The following BCOR variants were observed in gnomAD, a reference collection of about 807,000 sequenced individuals.
The protein encoded by BCOR is BCL-6 corepressor.
A neutral mutation model predicts 86.7 loss-of-function variants in BCOR; 10 were observed. That is an observed-to-expected ratio of 0.12 (90% CI 0.07 to 0.20). The LOEUF (loss-of-function observed/expected upper bound fraction) is 0.20, where lower values mean the gene tolerates loss of function less well. Ranked by LOEUF, BCOR falls within the 10% of genes least tolerant of loss-of-function variation. The probability of loss-of-function intolerance (pLI) is 1.00; values close to 1 mark genes in which losing one functional copy is unlikely to be tolerated. For synonymous variants in BCOR, 611 were observed against 609.0 expected (o/e 1.00, Z -0.05); for missense variants, 1,259 against 1,452.1 (o/e 0.87, Z 2.16).
rs769399836 is a variant in BCOR, at chrX:40,174,508, C to T, written c.-41+2499G>A. Among the ~76,000 whole-genome samples, 5 of 112,704 alleles carry T rather than the reference C, an allele frequency of 4.4e-5. No homozygotes were observed. In the East Asian group the frequency reaches 1.4e-3, roughly 31 times the overall value. On this transcript the variant is annotated intron_variant, in intron 1 of 14. Coordinates refer to the BCOR transcript ENST00000342274. ...GGCGGCAGCACACGTCTGGGCAGCC[C>T]CCTCCCCGTACCCAGCAGCGTGTAC...
rs1285291048 is a variant in BCOR, at chrX:40,074,365, C to T, written c.981G>A (p.Gly327=). The T allele has an allele frequency of 3.3e-6, 4 of 1,210,941 alleles. No individual in the cohort carries two copies. In the Admixed American group the frequency reaches 8.7e-5, roughly 26 times the overall value. Residue 327 remains glycine (G), a synonymous_variant, in exon 4 of 15, where the codon GGG becomes GGA. Coordinates refer to ENST00000378444, the MANE Select transcript of BCOR (RefSeq NM_001123385.2). ...SAKAVTSGLP[G]DTALLLPPSP... ...AGGGGGGCAACAGGAGAGCTGTGTC[C>T]CCCGGCAGGCCACTGGTGACCGCCT...
intron 1 of BCOR, among the ~76,000 whole-genome samples, chrX:40,096,403 G>T (rs1238807078): frequency 1.8e-5 from 2 of 112,672 alleles, no homozygotes; most frequent in Non-Finnish European, 3.8e-5. Context: ...GGGGAAAGCG[G>T]GAGGGGGATC....
chrX:40,165,720 A>T (rs1038862462), intron 1 of BCOR, among the ~76,000 whole-genome samples: 11 of 112,193 alleles, frequency 9.8e-5, no homozygotes, highest in African/African-American at 3.6e-4. Context: ...AATTCAAACA[A>T]TATCAGTCCA....
chrX:40,062,067 C>A, intron 10 of BCOR, 72 bp downstream of exon 10: 1 of 1,141,206 alleles, frequency 8.8e-7, no homozygotes. Flanking sequence ...CCATGTCCCT[C>A]CCCTCGCCCA....
intron 1 of BCOR, among the ~76,000 whole-genome samples, chrX:40,113,823 TTTC>T (rs776199590): frequency 9.2e-5 from 10 of 109,104 alleles, no homozygotes; most frequent in African/African-American, 2.4e-4. Flanking sequence ...TCTTTCTTTC[TTTC>T]TTTTTTTTTT....
chrX:40,174,112 G>GCCACC (rs1486701448), intron 1 of BCOR, among the ~76,000 whole-genome samples: 1 of 113,008 alleles, frequency 8.8e-6, no homozygotes. Flanking sequence ...CATTAGGTGA[G>GCCACC]GCTGCCTTTT....
At chrX:40,089,313 G>A (rs1241125245) in intron 1 of BCOR, among the ~76,000 whole-genome samples, 1 of 112,109 alleles carries the variant, frequency 8.9e-6, no homozygotes, top group Non-Finnish European at 1.9e-5. Flanking sequence ...AGGTCACACA[G>A]CTAGTAAAAA....
chrX:40,052,480 C>G, intron 14 of BCOR, 80 bp from the exon 15 acceptor site: 1 of 944,844 alleles, frequency 1.1e-6, no homozygotes. Flanking sequence ...ACTACCAACC[C>G]AAGTGGACCA....
At chrX:40,136,680 G>A (rs771418085) in intron 1 of BCOR, among the ~76,000 whole-genome samples, 176 of 111,733 alleles carry the variant, frequency 1.6e-3, no homozygotes, top group African/African-American at 5.4e-3. Flanking sequence ...GCGTATGGTG[G>A]GTGTTAAATA....
chrX:40,124,447 A>AT (rs1937520114), intron 1 of BCOR, among the ~76,000 whole-genome samples: 1 of 106,922 alleles, frequency 9.4e-6, no homozygotes, highest in Non-Finnish European at 1.9e-5. Context: ...TAATTTTCTT[A>AT]TTTTTTGTAG....
At chrX:40,144,846 T>TC (rs1352527515) in intron 1 of BCOR, among the ~76,000 whole-genome samples, 2 of 110,407 alleles carry the variant, frequency 1.8e-5, no homozygotes, top group Middle Eastern at 4.3e-3. Flanking sequence ...ACTGCCAAGT[T>TC]CTCAGGTTGA....
At chrX:40,170,205 A>G (rs745558251) in intron 1 of BCOR, among the ~76,000 whole-genome samples, 1 of 112,023 alleles carries the variant, frequency 8.9e-6, no homozygotes, top group Admixed American at 9.4e-5. Flanking sequence ...CCTTGCACCT[A>G]GCAGACCAAG....
In BCOR at chrX:40,075,187, A is replaced by G; in HGVS notation, c.166-7T>C. ...GGGCCGTGCTCGCATCCACCTTTGC[A>G]GAAGAACAACATGGGTGTTACTGGG... On this transcript the variant is annotated splice_region_variant and splice_polypyrimidine_tract_variant and intron_variant, in intron 3 of 14. Transcript: ENST00000378444. 1.7e-6 allele frequency: 2 copies of G among 1,202,136 alleles called. No individual in the cohort carries two copies. The highest frequency in any genetic ancestry group is 2.2e-6 in the Non-Finnish European group (2 of 890,847).
intron 1 of BCOR, among the ~76,000 whole-genome samples, chrX:40,089,952 G>C (rs1311306277): frequency 8.9e-6 from 1 of 111,861 alleles, no homozygotes; most frequent in Non-Finnish European, 1.9e-5. Context: ...GCAAGCCGGG[G>C]GATAGGCTAT....
At chrX:40,112,553 C>T (rs766015318) in intron 1 of BCOR, among the ~76,000 whole-genome samples, 150 of 111,406 alleles carry the variant, frequency 1.3e-3, no homozygotes, top group African/African-American at 4.8e-3. Context: ...AATGGTGGTG[C>T]TAGGATTCAA....
chrX:40,156,664 C>T (rs905726446), intron 1 of BCOR, among the ~76,000 whole-genome samples: 1 of 112,390 alleles, frequency 8.9e-6, no homozygotes, highest in Admixed American at 9.3e-5. Flanking sequence ...TCTTCTGAGC[C>T]CCCCACGCAG....
chrX:40,086,749 C>T (rs1399515026), intron 1 of BCOR, among the ~76,000 whole-genome samples: 1 of 113,676 alleles, frequency 8.8e-6, no homozygotes, highest in Non-Finnish European at 1.9e-5. Context: ...CTTCACATTC[C>T]CCCCTTACCA....
At chrX:40,100,699 CAA>C (rs1223252222), upstream of BCOR, among the ~76,000 whole-genome samples, 4 of 36,162 alleles carry the variant, frequency 1.1e-4, no homozygotes, top group African/African-American at 3.2e-4. Flanking sequence ...AACTCCGTCT[CAA>C]AAAAAAAAAA....
At chrX:40,119,279 G>A (rs1178211425) in intron 1 of BCOR, among the ~76,000 whole-genome samples, 2 of 107,398 alleles carry the variant, frequency 1.9e-5, no homozygotes, top group Non-Finnish European at 3.9e-5. Context: ...GTGCCGGTGG[G>A]GGGTGGACAG....
Sources: allele counts gnomAD v4.1 joint callset (sites outside exome capture counted in the v4.1 genomes callset), GRCh38; gene constraint gnomAD v4.1.1; transcripts MANE v1.5; gene names NCBI Gene and HGNC (gene_info 2026-07-23, HGNC 2026-07-21).